Variants in NOL10 observed in about 807,000 individuals in gnomAD.
NOL10 encodes nucleolar protein 10.
A neutral mutation model predicts 103.5 loss-of-function variants in NOL10; 58 were observed. The ratio of observed to expected loss-of-function variants is 0.56; its 90% confidence interval spans 0.45 to 0.70. NOL10 has a LOEUF of 0.70. NOL10 is among the 30% of genes least tolerant of loss of function. The pLI is 0.00. For missense variants in NOL10, 763 were observed against 807.3 expected, an observed-to-expected ratio of 0.95 and a Z score of 0.67; for synonymous variants, 287 against 282.5, an observed-to-expected ratio of 1.02 and a Z score of -0.16.
chr2:10,616,039 T>C (rs1474569477), intron 13 of NOL10, among the ~76,000 whole-genome samples: 1 of 152,084 alleles, frequency 6.6e-6, no homozygotes, highest in Non-Finnish European at 1.5e-5. Context: ...GTCAAGCCTA[T>C]GCTGCTGTGC....
chr2:10,574,564 G>A (rs1243736319), intron 20 of NOL10, among the ~76,000 whole-genome samples: 1 of 150,972 alleles, frequency 6.6e-6, no homozygotes, highest in East Asian at 2.0e-4. Flanking sequence ...GGAGAATGGC[G>A]TGAACCCGGG....
At chr2:10,586,197 T>G (rs966717368) in intron 19 of NOL10, among the ~76,000 whole-genome samples, 7 of 152,218 alleles carry the variant, frequency 4.6e-5, no homozygotes, top group African/African-American at 1.7e-4. Flanking sequence ...AAAATTAAGG[T>G]GATAGTTCCA....
intron 8 of NOL10, 67 bp downstream of exon 8, chr2:10,667,151 C>T: frequency 8.3e-7 from 1 of 1,202,154 alleles, no homozygotes; most frequent in Non-Finnish European, 1.2e-6. Context: ...GCAACTCAGT[C>T]TTTAAATAAA....
chr2:10,655,087 G>A (rs1190002374), intron 11 of NOL10, among the ~76,000 whole-genome samples: 2 of 151,892 alleles, frequency 1.3e-5, no homozygotes, highest in Non-Finnish European at 2.9e-5. Flanking sequence ...GCCTGCAACT[G>A]TAATCCCAGC....
intron 19 of NOL10, among the ~76,000 whole-genome samples, chr2:10,587,962 T>G (rs1477085149): frequency 6.6e-6 from 1 of 152,186 alleles, no homozygotes. Flanking sequence ...CCACTCCTCT[T>G]GCTCCACCTC....
chr2:10,663,212 C>CA (rs1281780241), intron 8 of NOL10, among the ~76,000 whole-genome samples, 168 bp from the exon 9 acceptor site: 1 of 151,918 alleles, frequency 6.6e-6, no homozygotes, highest in Admixed American at 6.6e-5. Context: ...ACTAAAAATA[C>CA]AAAAAATTAG....
chr2:10,616,487 TG>T (rs1676843208), intron 13 of NOL10, among the ~76,000 whole-genome samples: 1 of 152,178 alleles, frequency 6.6e-6, no homozygotes, highest in South Asian at 2.1e-4. Flanking sequence ...CCCAAAGTGC[TG>T]GGAGTACAGG....
chr2:10,588,924 T>C, intron 19 of NOL10, 119 bp downstream of exon 19: 1 of 1,447,064 alleles, frequency 6.9e-7, no homozygotes, highest in Non-Finnish European at 9.3e-7. Context: ...CCTCGTCCCC[T>C]CCACCCTCTG....
intron 13 of NOL10, among the ~76,000 whole-genome samples, chr2:10,632,685 T>C (rs895221302): frequency 6.6e-6 from 1 of 152,226 alleles, no homozygotes; most frequent in African/African-American, 2.4e-5. Flanking sequence ...CAATTCAATA[T>C]AACTTTATTC....
chr2:10,638,494 T>TTTTTTA (rs1678463145), intron 13 of NOL10, among the ~76,000 whole-genome samples: 1 of 129,140 alleles, frequency 7.7e-6, no homozygotes, highest in African/African-American at 2.9e-5. Flanking sequence ...TTTTTTTTTT[T>TTTTTTA]TTTTTTTTTT....
intron 12 of NOL10, among the ~76,000 whole-genome samples, chr2:10,651,227 T>G (rs916253536): frequency 1.3e-5 from 2 of 152,090 alleles, no homozygotes; most frequent in African/African-American, 4.8e-5. Context: ...TCTATATCCT[T>G]GGTTACAATG....
intron 13 of NOL10, among the ~76,000 whole-genome samples, chr2:10,615,221 C>A (rs1347998959): frequency 6.6e-6 from 1 of 151,932 alleles, no homozygotes; most frequent in Non-Finnish European, 1.5e-5. Flanking sequence ...AGCAAAGAAG[C>A]AATTTAATTT....
chr2:10,616,274 G>C (rs950863598), intron 13 of NOL10, among the ~76,000 whole-genome samples: 21 of 142,752 alleles, frequency 1.5e-4, no homozygotes, highest in African/African-American at 4.8e-4. Context: ...TGTCACCCAG[G>C]TTGGAGTGCA....
At chr2:10,650,310 A>T (rs60552448) in intron 12 of NOL10, among the ~76,000 whole-genome samples, 116,709 of 151,476 alleles carry the variant, frequency 0.77, 46,266 homozygotes, top group Middle Eastern at 0.93. Flanking sequence ...ACAGGCGCAC[A>T]GTGCCACTGC....
chr2:10,655,367 GGAC>G (rs1679777858), intron 11 of NOL10, among the ~76,000 whole-genome samples: 1 of 152,094 alleles, frequency 6.6e-6, no homozygotes, highest in Admixed American at 6.5e-5. Context: ...TGGAAAATGA[GGAC>G]AACACTGCCA....
intron 14 of NOL10, among the ~76,000 whole-genome samples, chr2:10,606,223 T>C (rs1676247883): frequency 1.7e-5 from 1 of 59,870 alleles, no homozygotes; most frequent in African/African-American, 7.3e-5. Flanking sequence ...AATGTACATT[T>C]ATCTTTTTTT....
intron 19 of NOL10, among the ~76,000 whole-genome samples, chr2:10,586,260 A>G (rs1396695270): frequency 1.3e-5 from 2 of 152,210 alleles, no homozygotes; most frequent in Non-Finnish European, 2.9e-5. Flanking sequence ...AAGCAGATGA[A>G]TTGTATGTTA....
rs373517417 is a variant in NOL10, at chr2:10,673,478, T to A, written c.327+42A>T. The A allele has an allele frequency of 2.8e-4, 359 of 1,300,832 alleles. 1 individual carries two copies. Among genetic ancestry groups the A allele is most frequent in the Non-Finnish European group, 3.6e-4 (342 of 962,746 alleles). The allele number at this position is 1,300,832 out of a possible 1,614,324, so 80.6% of individuals were successfully genotyped here. A position where few individuals can be genotyped will look rare whatever the true frequency, so the allele number is the denominator to read the frequency against. On this transcript the variant is annotated intron_variant, in intron 5 of 20. Coordinates refer to ENST00000381685, the MANE Select transcript of NOL10 (RefSeq NM_024894.4). ...ATTAAAATAAATTCCACTCACTCAT[T>A]TCTTGGGTCTAGTCAGTACAAACCA...
intron 13 of NOL10, among the ~76,000 whole-genome samples, chr2:10,620,475 C>T (rs571289248): frequency 1.3e-5 from 2 of 152,094 alleles, no homozygotes; most frequent in Non-Finnish European, 2.9e-5. Flanking sequence ...CGGTCATGCA[C>T]GGAACTAGGA....
Sources: allele counts gnomAD v4.1 joint callset (sites outside exome capture counted in the v4.1 genomes callset), GRCh38; gene constraint gnomAD v4.1.1; transcripts MANE v1.5; gene names NCBI Gene and HGNC (gene_info 2026-07-23, HGNC 2026-07-21).